Variants in SNAP23 observed in about 807,000 individuals in gnomAD.
SNAP23 encodes synaptosomal-associated protein 23.
SNAP23 carries 11 observed loss-of-function variants against 29.0 expected under a neutral mutation model. The observed-to-expected ratio is 0.38, with a 90% CI of 0.24 to 0.63. The LOEUF (loss-of-function observed/expected upper bound fraction) is 0.63, where lower values mean the gene tolerates loss of function less well. Ranked by LOEUF, SNAP23 falls within the 20% of genes least tolerant of loss-of-function variation. The pLI is 0.58. For synonymous variants in SNAP23, 60 were observed against 82.9 expected (o/e 0.72, Z 1.50); for missense variants, 220 against 253.9 (o/e 0.87, Z 0.91).
At chr15:42,516,050 A>G (rs1441349019) in intron 5 of SNAP23, among the ~76,000 whole-genome samples, 1 of 152,174 alleles carries the variant, frequency 6.6e-6, no homozygotes, top group Non-Finnish European at 1.5e-5. Context: ...GGAAAGTAAG[A>G]TATAAGTAGG....
At chr15:42,498,602 C>A (rs1052702078) in intron 1 of SNAP23, among the ~76,000 whole-genome samples, 2 of 152,162 alleles carry the variant, frequency 1.3e-5, no homozygotes, top group East Asian at 3.9e-4. Context: ...CTCTGATATG[C>A]CCTGGAGACA....
intron 1 of SNAP23, among the ~76,000 whole-genome samples, chr15:42,500,142 CTT>C (rs35112680): frequency 1.1e-4 from 16 of 145,854 alleles, no homozygotes; most frequent in South Asian, 2.2e-4. Flanking sequence ...TATCAGCTGC[CTT>C]TTTTTTTCCC....
At chr15:42,492,717 G>T (rs989406429), upstream of SNAP23, 2 of 147,306 alleles carry the variant, frequency 1.4e-5, no homozygotes, top group Non-Finnish European at 3.0e-5. Flanking sequence ...AAAAAAGAAA[G>T]GAAGCGGCTA....
chr15:42,500,166 T>G (rs908769976), intron 1 of SNAP23, among the ~76,000 whole-genome samples: 2 of 150,750 alleles, frequency 1.3e-5, no homozygotes, highest in Non-Finnish European at 3.0e-5. Context: ...GAATTCAGGC[T>G]TTCCCCCGCC....
At chr15:42,529,893 T>C (rs747337835) in intron 7 of SNAP23, 74 bp downstream of exon 7, 22 of 1,499,310 alleles carry the variant, frequency 1.5e-5, no homozygotes, top group East Asian at 2.3e-5. Context: ...CTGTGCTAGA[T>C]ACTGTGGGGG....
chr15:42,513,282 G>C (rs1334077765), intron 3 of SNAP23, 117 bp from the exon 4 acceptor site: 4 of 935,322 alleles, frequency 4.3e-6, no homozygotes, highest in Non-Finnish European at 5.3e-6. Flanking sequence ...TCTGTCTGTA[G>C]CTCTAATCCT....
At chr15:42,523,193 G>A (rs1474742899) in intron 5 of SNAP23, among the ~76,000 whole-genome samples, 1 of 151,128 alleles carries the variant, frequency 6.6e-6, no homozygotes. Flanking sequence ...AAAAAAAAAG[G>A]TTCCAGTTAA....
intron 5 of SNAP23, among the ~76,000 whole-genome samples, chr15:42,519,130 C>G (rs112946072): frequency 6.7e-6 from 1 of 150,300 alleles, no homozygotes; most frequent in African/African-American, 2.5e-5. Context: ...TCTCAGTTCA[C>G]TGCAACCTCT....
chr15:42,519,681 T>A (rs1243071715), intron 5 of SNAP23, among the ~76,000 whole-genome samples: 1 of 152,090 alleles, frequency 6.6e-6, no homozygotes, highest in Non-Finnish European at 1.5e-5. Flanking sequence ...TTAAAAAGTT[T>A]TTGTAGAGAT....
chr15:42,526,398 A>G (rs1332453122), intron 5 of SNAP23, among the ~76,000 whole-genome samples: 1 of 152,220 alleles, frequency 6.6e-6, no homozygotes, highest in Non-Finnish European at 1.5e-5. Context: ...AAGTGGTACC[A>G]TGAAACACAC....
intron 1 of SNAP23, among the ~76,000 whole-genome samples, chr15:42,507,160 C>T (rs562720360): frequency 7.2e-5 from 11 of 152,200 alleles, no homozygotes; most frequent in South Asian, 2.1e-4. Flanking sequence ...ACTTAATTTG[C>T]GAGTAGATCC....
chr15:42,510,391 C>G (rs1451857602), intron 1 of SNAP23, among the ~76,000 whole-genome samples: 1 of 152,118 alleles, frequency 6.6e-6, no homozygotes, highest in African/African-American at 2.4e-5. Flanking sequence ...TCACCTCAGC[C>G]TCCCAAAGTG....
rs1049843942 is a variant in SNAP23, at chr15:42,518,450, T to TC, written c.266+3097dup. ...TCTTTCTCTTTTTTTTTTTTTTTTTTCTCGAGACAGGGTCTCGCTCTGTTA... is the reference window on the plus strand; with the variant it reads ...TCTTTCTCTTTTTTTTTTTTTTTTTTCCTCGAGACAGGGTCTCGCTCTGTTA... On this transcript the variant is annotated intron_variant, in intron 5 of 7. Coordinates refer to ENST00000249647, the MANE Select transcript of SNAP23 (RefSeq NM_003825.4). Among the ~76,000 whole-genome samples, 4 of 150,236 alleles carry TC rather than the reference T, an allele frequency of 2.7e-5. No individual in the cohort carries two copies. In the East Asian group the frequency reaches 5.8e-4, roughly 22 times the overall value.
intron 1 of SNAP23, among the ~76,000 whole-genome samples, chr15:42,506,939 C>T (rs2057321494): frequency 6.6e-6 from 1 of 151,948 alleles, no homozygotes; most frequent in Non-Finnish European, 1.5e-5. Context: ...GTGCCTCAGC[C>T]TCCTGAGTAG....
intron 5 of SNAP23, among the ~76,000 whole-genome samples, chr15:42,521,070 A>T (rs2057445007): frequency 6.6e-6 from 1 of 152,220 alleles, no homozygotes; most frequent in Non-Finnish European, 1.5e-5. Context: ...TGAGTAAGGC[A>T]TACCTCTGGC....
In SNAP23 at chr15:42,525,224, C is replaced by T. The variant is rs529006398; in HGVS notation, c.267-3038C>T. Reference sequence around the variant, plus strand: ...TCTACTAAAAATACAAAAAATTAGCCGGGCGTGGTGGCAGGCGCCTGTAGT... The same window carrying T: ...TCTACTAAAAATACAAAAAATTAGCTGGGCGTGGTGGCAGGCGCCTGTAGT... On this transcript the variant is annotated intron_variant, in intron 5 of 7. Coordinates refer to ENST00000249647, the MANE Select transcript of SNAP23 (RefSeq NM_003825.4). 3.5e-4 allele frequency among the ~76,000 whole-genome samples: 53 copies of T among 151,632 alleles called. No homozygotes were observed. The South Asian group carries it at 0.011, about 31-fold the overall frequency.
At position 42,525,545 on chromosome 15, in the gene SNAP23, C is replaced by T. The variant is rs2057495011; in HGVS notation, c.267-2717C>T. 2.3e-5 allele frequency among the ~76,000 whole-genome samples: 3 copies of T among 131,314 alleles called. No individual in the cohort carries two copies. The South Asian group carries it at 8.0e-4, about 35-fold the overall frequency. The allele number at this position is 131,314 out of a possible 152,430, so 86.1% of individuals were successfully genotyped here. Reference sequence around the variant, plus strand: ...GTGGCACGATCTGGGCTCACTGCAACCTCTGCCTCCCAGGTTCAAGTGATT... The same window carrying T: ...GTGGCACGATCTGGGCTCACTGCAATCTCTGCCTCCCAGGTTCAAGTGATT... On this transcript the variant is annotated intron_variant, in intron 5 of 7. Transcript: ENST00000249647.
Position 42,517,037 on chromosome 15 carries a change from A to G in SNAP23, c.266+1683A>G, listed in dbSNP as rs540263565. Among the ~76,000 whole-genome samples, 4 of 152,300 alleles carry G rather than the reference A, an allele frequency of 2.6e-5. No individual in the cohort carries two copies. The South Asian group carries it at 8.3e-4, about 32-fold the overall frequency. ...CGGGTTCAAGTGATTCTCCTGCCTC[A>G]GCCTCCCAAGTAGCTGGGATTACAA... is the stretch of plus-strand genomic sequence containing the variant. On this transcript the variant is annotated intron_variant, in intron 5 of 7. Transcript: ENST00000249647.
At chr15:42,491,533 C>T (rs2057163620), upstream of SNAP23, 1 of 152,256 alleles carries the variant, frequency 6.6e-6, no homozygotes, top group Admixed American at 6.5e-5. Context: ...ACCTGAGTTT[C>T]AGATCTTGGA....
Sources: allele counts gnomAD v4.1 joint callset (sites outside exome capture counted in the v4.1 genomes callset), GRCh38; gene constraint gnomAD v4.1.1; transcripts MANE v1.5; gene names NCBI Gene and HGNC (gene_info 2026-07-23, HGNC 2026-07-21).